Variants in SERINC5 observed in about 807,000 individuals in gnomAD.
The protein encoded by SERINC5 is serine incorporator 5.
SERINC5 carries 41 observed loss-of-function variants against 63.1 expected under a neutral mutation model. The observed-to-expected ratio is 0.65, with a 90% CI of 0.51 to 0.84. The LOEUF (loss-of-function observed/expected upper bound fraction) is 0.84, where lower values mean the gene tolerates loss of function less well. SERINC5 is among the 40% of genes least tolerant of loss of function. The pLI, the probability that SERINC5 is intolerant of heterozygous loss-of-function variation, is 0.00. For synonymous variants in SERINC5, 222 were observed against 215.2 expected (o/e 1.03, Z -0.28); for missense variants, 523 against 573.0 (o/e 0.91, Z 0.89).
At chr5:80,241,730 G>C (rs924543806) in intron 1 of SERINC5, among the ~76,000 whole-genome samples, 8 of 152,034 alleles carry the variant, frequency 5.3e-5, no homozygotes, top group African/African-American at 1.7e-4. Context: ...ATAAAAAAAA[G>C]AAGGGGAAAT....
intron 2 of SERINC5, among the ~76,000 whole-genome samples, chr5:80,186,016 T>C (rs2112443725): frequency 6.6e-6 from 1 of 150,812 alleles, no homozygotes; most frequent in African/African-American, 2.4e-5. Context: ...AACTAATGCA[T>C]TCCGATTTAA....
intron 11 of SERINC5, among the ~76,000 whole-genome samples, chr5:80,118,612 A>C (rs527590006): frequency 2.0e-5 from 3 of 151,920 alleles, no homozygotes; most frequent in African/African-American, 7.2e-5. Context: ...CAGTGGCACA[A>C]TTTTGGCTAG....
chr5:80,161,326 TGTTTCC>T (rs1746908759), intron 7 of SERINC5, among the ~76,000 whole-genome samples: 2 of 152,300 alleles, frequency 1.3e-5, no homozygotes, highest in South Asian at 4.1e-4. Flanking sequence ...ACAGTATAAG[TGTTTCC>T]GTTTCTCCAC....
At chr5:80,194,125 A>G (rs968305633) in intron 2 of SERINC5, among the ~76,000 whole-genome samples, 1 of 152,252 alleles carries the variant, frequency 6.6e-6, no homozygotes, top group African/African-American at 2.4e-5. Flanking sequence ...TGCTACGCAG[A>G]AAGAGAACTT....
At chr5:80,155,799 G>A (rs973972509) in intron 8 of SERINC5, among the ~76,000 whole-genome samples, 4 of 152,062 alleles carry the variant, frequency 2.6e-5, no homozygotes, top group African/African-American at 9.7e-5. Flanking sequence ...GTGGACCAAG[G>A]TTAGGGCTTA....
intron 1 of SERINC5, among the ~76,000 whole-genome samples, chr5:80,207,609 A>T (rs1750236122): frequency 6.6e-6 from 1 of 152,154 alleles, no homozygotes; most frequent in Admixed American, 6.5e-5. Flanking sequence ...CATTGTATGG[A>T]TCTGATTTTC....
At position 80,206,811 on chromosome 5, in the gene SERINC5, CTTTT is replaced by C. The variant is rs35026792; in HGVS notation, c.28-3762_28-3759del. On this transcript the variant is annotated intron_variant, in intron 1 of 11. Coordinates refer to ENST00000507668, the MANE Select transcript of SERINC5 (RefSeq NM_001174072.3). ...TCCTAACTGCCTCCTTCACTGATTG[CTTTT>C]TTTTTTTTTTTTTTTAAGAGACAGA... 3.4e-5 allele frequency among the ~76,000 whole-genome samples: 4 copies of C among 117,764 alleles called. No individual in the cohort carries two copies. In the East Asian group the frequency reaches 7.9e-4, roughly 23 times the overall value. The allele number at this position is 117,764 out of a possible 152,430, so 77.3% of individuals were successfully genotyped here.
chr5:80,160,043 C>T (rs909522094), intron 7 of SERINC5, among the ~76,000 whole-genome samples: 2 of 152,278 alleles, frequency 1.3e-5, no homozygotes, highest in Non-Finnish European at 1.5e-5. Flanking sequence ...TGTGGGAGCC[C>T]TAACAGTTGG....
At chr5:80,188,199 C>T (rs1748948459) in intron 2 of SERINC5, among the ~76,000 whole-genome samples, 1 of 149,434 alleles carries the variant, frequency 6.7e-6, no homozygotes, top group South Asian at 2.1e-4. Flanking sequence ...AGGAGAATCG[C>T]TTGAACCCGG....
chr5:80,177,853 G>C (rs571269359), intron 3 of SERINC5, 33 bp downstream of exon 3: 2 of 1,547,036 alleles, frequency 1.3e-6, no homozygotes, highest in Non-Finnish European at 1.8e-6. Context: ...TAAGAAAGGA[G>C]AAAGCAATCC....
intron 1 of SERINC5, among the ~76,000 whole-genome samples, chr5:80,225,279 C>A (rs1211578981): frequency 2.0e-5 from 3 of 152,226 alleles, no homozygotes; most frequent in African/African-American, 7.2e-5. Flanking sequence ...ATGCTGTTAT[C>A]ATCCACCTCT....
At position 80,142,429 on chromosome 5, in the gene SERINC5, C is replaced by T. The variant is rs138978715; in HGVS notation, c.*1234G>A. ...TCTATTTTTAATAGAGACAGGGTTT[C>T]ACCATGTTAGCCAGGCTGGTCTTGC... On this transcript the variant is annotated 3_prime_UTR_variant, in exon 12 of 12. Transcript: ENST00000507668. 48 of 923,080 alleles carry T rather than the reference C, an allele frequency of 5.2e-5. No individual in the cohort carries two copies. The Admixed American group carries it at 1.5e-3, about 29-fold the overall frequency. The allele number at this position is 923,080 out of a possible 1,614,324, so 57.2% of individuals were successfully genotyped here.
intron 1 of SERINC5, among the ~76,000 whole-genome samples, chr5:80,249,041 A>G (rs778270233): frequency 8.5e-5 from 13 of 152,338 alleles, no homozygotes; most frequent in East Asian, 1.9e-4. Context: ...CAGGCCGGGT[A>G]CGGTGGCTCA....
At chr5:80,118,207 A>T (rs988094784) in intron 11 of SERINC5, among the ~76,000 whole-genome samples, 3 of 152,068 alleles carry the variant, frequency 2.0e-5, no homozygotes, top group Admixed American at 1.3e-4. Flanking sequence ...CACCTCAAAA[A>T]AAAAATAATA....
intron 3 of SERINC5, among the ~76,000 whole-genome samples, chr5:80,177,683 C>T (rs115063640): frequency 6.6e-6 from 1 of 152,116 alleles, no homozygotes; most frequent in African/African-American, 2.4e-5. Context: ...GAGTAAATTT[C>T]GCATCATGGT....
chr5:80,153,754 C>T (rs1281283519), intron 8 of SERINC5, among the ~76,000 whole-genome samples: 1 of 151,876 alleles, frequency 6.6e-6, no homozygotes, highest in Non-Finnish European at 1.5e-5. Flanking sequence ...CCTGCTGCCA[C>T]CCCACCCCAA....
intron 11 of SERINC5, among the ~76,000 whole-genome samples, chr5:80,124,671 C>G (rs972071668): frequency 1.3e-5 from 2 of 152,130 alleles, no homozygotes; most frequent in Non-Finnish European, 2.9e-5. Context: ...TTCTTGCAAA[C>G]CGGGTTCTCT....
rs1745402435 is a variant in SERINC5 at position 80,139,983 on chromosome 5, G to A, written c.*3680C>T. ...TACAGGCTCTGGAATTTCCTTCGCAGGAAGGTGAAGCACCAATGATGGCAA... is the reference window on the plus strand; with the variant it reads ...TACAGGCTCTGGAATTTCCTTCGCAAGAAGGTGAAGCACCAATGATGGCAA... On this transcript the variant is annotated 3_prime_UTR_variant, in exon 12 of 12. Coordinates refer to ENST00000507668, the MANE Select transcript of SERINC5 (RefSeq NM_001174072.3). 1.0e-6 allele frequency: 1 copy of A among 985,344 alleles called. No homozygotes were observed. The highest frequency in any genetic ancestry group is 1.2e-6 in the Non-Finnish European group (1 of 829,906). 61.0% of individuals were successfully genotyped at this position (985,344 alleles called of 1,614,324 possible).
chr5:80,111,359 A>G (rs534360993), downstream of SERINC5, among the ~76,000 whole-genome samples: 233 of 152,326 alleles, frequency 1.5e-3, 1 homozygote, highest in Non-Finnish European at 1.9e-3. Context: ...TAGCTGTAGC[A>G]GTCTTACAGA....
Sources: allele counts gnomAD v4.1 joint callset (sites outside exome capture counted in the v4.1 genomes callset), GRCh38; gene constraint gnomAD v4.1.1; transcripts MANE v1.5; gene names NCBI Gene and HGNC (gene_info 2026-07-23, HGNC 2026-07-21).